The following SUGT1 variants were observed in gnomAD, a reference collection of about 807,000 sequenced individuals.
SUGT1 encodes the protein SGT1 assembly cochaperone of MIS12 kinetochore complex, also known as protein SGT1 homolog.
A neutral mutation model predicts 56.1 loss-of-function variants in SUGT1; 15 were observed. The observed-to-expected ratio is 0.27, with a 90% CI of 0.18 to 0.41. The LOEUF (loss-of-function observed/expected upper bound fraction) is 0.41. SUGT1 is among the 10% of genes least tolerant of loss of function. The pLI, the probability that SUGT1 is intolerant of heterozygous loss-of-function variation, is 1.00. For missense variants in SUGT1, 347 were observed against 382.2 expected, an observed-to-expected ratio of 0.91 and a Z score of 0.77; for synonymous variants, 123 against 128.6, an observed-to-expected ratio of 0.96 and a Z score of 0.30.
chr13:52,657,419 T>A, intron 2 of SUGT1, 113 bp from the exon 3 acceptor site: 1 of 903,378 alleles, frequency 1.1e-6, no homozygotes, highest in African/African-American at 1.7e-5. Flanking sequence ...CCGTGTTATC[T>A]TTCCTCCAAA....
Position 52,657,686 on chromosome 13 carries a change from CA to C in SUGT1, c.187+67del, listed in dbSNP as rs1962234387. The C allele has an allele frequency of 2.1e-6, 3 of 1,447,236 alleles. No individual in the cohort carries two copies. The South Asian group carries it at 3.8e-5, about 18-fold the overall frequency. 89.6% of individuals were successfully genotyped at this position (1,447,236 alleles called of 1,614,324 possible). On this transcript the variant is annotated intron_variant, in intron 3 of 12. Coordinates refer to ENST00000310528, the MANE Select transcript of SUGT1 (RefSeq NM_006704.5). The stretch of plus-strand genomic sequence containing the variant: ...AGTTACTTATACATTTTACCCATGA[CA>C]AATTAAAAGTTGTCTTTGAGAATTT...
intron 10 of SUGT1, among the ~76,000 whole-genome samples, chr13:52,668,576 A>G (rs965930050): frequency 6.6e-6 from 1 of 152,142 alleles, no homozygotes; most frequent in Non-Finnish European, 1.5e-5. Context: ...TGCTTGGGAC[A>G]ATAGAAAGTG....
chr13:52,664,907 G>A (rs893113908), intron 8 of SUGT1, among the ~76,000 whole-genome samples: 1 of 152,092 alleles, frequency 6.6e-6, no homozygotes, highest in African/African-American at 2.4e-5. Context: ...ATATAATAGC[G>A]ACAGGATAAA....
At chr13:52,657,653 T>G (rs930219084) in intron 3 of SUGT1, 31 bp downstream of exon 3, 15 of 1,558,850 alleles carry the variant, frequency 9.6e-6, no homozygotes, top group Non-Finnish European at 1.3e-5. Flanking sequence ...TATTGCCCCC[T>G]TTTAATAAGT....
At chr13:52,677,579 A>C (rs1242368583) in intron 11 of SUGT1, among the ~76,000 whole-genome samples, 1 of 152,216 alleles carries the variant, frequency 6.6e-6, no homozygotes, top group Non-Finnish European at 1.5e-5. Context: ...ACAGCCCTGC[A>C]TAACAGGCAG....
intron 2 of SUGT1, among the ~76,000 whole-genome samples, chr13:52,656,313 G>A (rs911157767): frequency 1.3e-5 from 2 of 152,160 alleles, no homozygotes; most frequent in Non-Finnish European, 2.9e-5. Flanking sequence ...TCACCCATTA[G>A]CAAGTCTCTC....
chr13:52,654,048 A>G (rs1483852391), intron 2 of SUGT1, among the ~76,000 whole-genome samples: 1 of 152,210 alleles, frequency 6.6e-6, no homozygotes, highest in Non-Finnish European at 1.5e-5. Flanking sequence ...GCCAGTGCAG[A>G]TCTTGAGGTA....
intron 7 of SUGT1, among the ~76,000 whole-genome samples, chr13:52,663,387 C>T (rs963462639): frequency 2.6e-5 from 4 of 152,108 alleles, no homozygotes; most frequent in African/African-American, 4.8e-5. Flanking sequence ...TTTATCTTTT[C>T]GTTACTAAAA....
chr13:52,658,516 A>G (rs1334456632), intron 4 of SUGT1, 48 bp downstream of exon 4: 4 of 1,548,788 alleles, frequency 2.6e-6, no homozygotes, highest in Non-Finnish European at 3.5e-6. Context: ...GATAGTAGGT[A>G]TTTAATTTGT....
chr13:52,678,035 A>G lies in SUGT1; in HGVS notation c.718+1715A>G, dbSNP rs922473229. ...CTGTGTATTGCAAGCTGGAGACTGT[A>G]GATAAGGGCAAGTCACTTAACCTAT... On this transcript the variant is annotated intron_variant, in intron 11 of 12. Transcript: ENST00000310528. 5.9e-5 allele frequency among the ~76,000 whole-genome samples: 9 copies of G among 152,190 alleles called. No homozygotes were observed. In the South Asian group the frequency reaches 6.2e-4, roughly 11 times the overall value.
At chr13:52,665,510 C>A in intron 8 of SUGT1, 127 bp from the exon 9 acceptor site, 1 of 259,978 alleles carries the variant, frequency 3.8e-6, no homozygotes. Context: ...TTCTGTGAAT[C>A]AGTAGTTGCT....
Position 52,665,704 on chromosome 13 carries a change from G to A in SUGT1, c.490G>A (p.Asp164Asn). The A allele has an allele frequency of 1.9e-6, 3 of 1,606,664 alleles. No homozygotes were observed. The highest frequency in any genetic ancestry group is 2.5e-6 in the Non-Finnish European group (3 of 1,177,838). The change falls in exon 9 of 13, where the codon GAT becomes AAT. Residue 164 changes from aspartate (D) to asparagine (N), a missense_variant. Coordinates refer to ENST00000310528, the MANE Select transcript of SUGT1 (RefSeq NM_006704.5). ...TATGATCAAGAATGTTCAGAAGAAT[G>A]ATGTAAATGTGGAATTTTCAGAAAA... ...TLMIKNVQKN[D>N]VNVEFSEKEL...
intron 10 of SUGT1, among the ~76,000 whole-genome samples, chr13:52,667,414 G>A (rs188229083): frequency 3.3e-5 from 5 of 151,824 alleles, no homozygotes; most frequent in African/African-American, 4.8e-5. Context: ...GCGTGATCTC[G>A]GCTCACTGCA....
intron 10 of SUGT1, among the ~76,000 whole-genome samples, chr13:52,675,794 C>T (rs1166277163): frequency 1.3e-5 from 2 of 152,126 alleles, no homozygotes; most frequent in Non-Finnish European, 2.9e-5. Context: ...GCATTATTGA[C>T]ATTTTGGGGA....
At chr13:52,663,958 A>C in intron 7 of SUGT1, 77 bp from the exon 8 acceptor site, 1 of 1,347,610 alleles carries the variant, frequency 7.4e-7, no homozygotes. Context: ...TAATACATGC[A>C]TTTTAATAAT....
chr13:52,680,179 T>C (rs1356995348), intron 12 of SUGT1, 24 bp downstream of exon 12: 1 of 1,528,872 alleles, frequency 6.5e-7, no homozygotes, highest in Non-Finnish European at 8.7e-7. Context: ...CTTAAAGAAA[T>C]ATATATGGGA....
At chr13:52,673,022 A>C (rs1173433686) in intron 10 of SUGT1, among the ~76,000 whole-genome samples, 2 of 152,208 alleles carry the variant, frequency 1.3e-5, no homozygotes. Flanking sequence ...AAACTACCAA[A>C]GTTTTAAGTT....
chr13:52,692,939 A>G lies in SUGT1; in HGVS notation c.*5104A>G, dbSNP rs983111039. The G allele has an allele frequency of 3.9e-5, 6 of 152,210 alleles. No individual in the cohort carries two copies. The highest frequency in any genetic ancestry group is 1.9e-4 in the East Asian group (1 of 5,202). 9.4% of individuals were successfully genotyped at this position (152,210 alleles called of 1,614,324 possible). On this transcript the variant is annotated 3_prime_UTR_variant, in exon 13 of 13. Coordinates refer to ENST00000310528, the MANE Select transcript of SUGT1 (RefSeq NM_006704.5). ...GTAAGAAGACTGGTACATGATGCCA[A>G]TGAAATTCTTTTTTTCCTTTAACTT...
chr13:52,670,299 T>G (rs1962876274), intron 10 of SUGT1, among the ~76,000 whole-genome samples: 1 of 152,212 alleles, frequency 6.6e-6, no homozygotes, highest in Non-Finnish European at 1.5e-5. Context: ...AGGATTCATA[T>G]TTTTTCAGTA....
Sources: allele counts gnomAD v4.1 joint callset (sites outside exome capture counted in the v4.1 genomes callset), GRCh38; gene constraint gnomAD v4.1.1; transcripts MANE v1.5; gene names NCBI Gene and HGNC (gene_info 2026-07-23, HGNC 2026-07-21).